Variants in AKT2 observed in about 807,000 individuals in gnomAD.
The protein encoded by AKT2 is RAC-beta serine/threonine-protein kinase.
AKT2 carries 16 observed loss-of-function variants against 58.6 expected under a neutral mutation model. The ratio of observed to expected loss-of-function variants is 0.27; its 90% CI spans 0.18 to 0.41. The LOEUF is 0.41. Among genes scored for constraint, AKT2 ranks in the 10% least tolerant of loss-of-function variants. The pLI is 1.00. For missense variants in AKT2, 438 were observed against 661.0 expected (o/e 0.66, Z 3.70); for synonymous variants, 253 against 254.0 (o/e 1.00, Z 0.04).
At chr19:40,243,819 G>T (rs530157658) in intron 4 of AKT2, 1 of 152,170 alleles carries the variant, frequency 6.6e-6, no homozygotes, top group East Asian at 1.9e-4. Flanking sequence ...CAAGGTGGAG[G>T]ATCACTTGAG....
intron 2 of AKT2, among the ~76,000 whole-genome samples, chr19:40,257,840 C>T (rs556875765): frequency 4.6e-5 from 7 of 152,302 alleles, no homozygotes; most frequent in South Asian, 2.1e-4. Context: ...CTGAGACATG[C>T]TGCCATGTGG....
At position 40,231,791 on chromosome 19, in the gene AKT2, G is replaced by T. The variant is rs1360399967; in HGVS notation, c.*2081C>A. Reference sequence around the variant, plus strand: ...GAGGGCTGACCCCAAGCTGAACAGGGTTCTAACCAAACGCTCAGGAGCTCC... The same window carrying T: ...GAGGGCTGACCCCAAGCTGAACAGGTTTCTAACCAAACGCTCAGGAGCTCC... On this transcript the variant is annotated 3_prime_UTR_variant, in exon 14 of 14. Transcript: ENST00000392038. 4.3e-6 allele frequency: 1 copy of T among 233,766 alleles called. No homozygotes were observed. The highest frequency in any genetic ancestry group is 6.0e-5 in the East Asian group (1 of 16,608). The allele number at this position is 233,766 out of a possible 1,614,324, so 14.5% of individuals were successfully genotyped here. A position where few individuals can be genotyped will look rare whatever the true frequency, so the allele number is the denominator to read the frequency against.
chr19:40,236,147 G>T, intron 10 of AKT2, 43 bp from the exon 11 acceptor site: 1 of 1,613,564 alleles, frequency 6.2e-7, no homozygotes, highest in South Asian at 1.1e-5. Context: ...GTGGCCCTGA[G>T]GCTGGCATCA....
chr19:40,257,085 G>A (rs1975591614), intron 2 of AKT2, 31 bp from the exon 3 acceptor site: 1 of 1,613,052 alleles, frequency 6.2e-7, no homozygotes, highest in East Asian at 2.2e-5. Context: ...AGGGAGAGAG[G>A]TTAGGACAAG....
rs556207305 is a variant in AKT2 at position 40,233,769 on chromosome 19, G to C, written c.*103C>G. The C allele has an allele frequency of 8.9e-7, 1 of 1,122,368 alleles. No homozygotes were observed. Among genetic ancestry groups the C allele is most frequent in the South Asian group, 1.3e-5 (1 of 79,696 alleles). 69.5% of individuals were successfully genotyped at this position (1,122,368 alleles called of 1,614,324 possible). ...AGAACTGGAAAGGGGGTGAGGAGGT[G>C]GGGGTGGGGACACAAACCAAAAAGG... On this transcript the variant is annotated 3_prime_UTR_variant, in exon 14 of 14. Coordinates refer to ENST00000392038, the MANE Select transcript of AKT2 (RefSeq NM_001626.6). This position sits in a 1 kb window ranked among gnomAD's most constrained non-coding sequence, Gnocchi z 4.3.
rs1380525848 is a variant in AKT2, at chr19:40,235,431, G to A, written c.1176-81C>T. 4.0e-6 allele frequency: 5 copies of A among 1,235,542 alleles called. No homozygotes were observed. The highest frequency in any genetic ancestry group is 5.9e-6 in the Non-Finnish European group (5 of 846,042). 76.5% of individuals were successfully genotyped at this position (1,235,542 alleles called of 1,614,324 possible). A position where few individuals can be genotyped will look rare whatever the true frequency, so the allele number is the denominator to read the frequency against. ...CGGGCTTTCGGAGCAGGCAGGCCCT[G>A]TATGGCCCTTAATGATTCTGTCTTG... On this transcript the variant is annotated intron_variant, in intron 11 of 13. Transcript: ENST00000392038. The surrounding 1 kb of genome is among the most constrained non-coding windows in gnomAD (Gnocchi z 6.3).
At position 40,265,283 on chromosome 19, in the gene AKT2, C is replaced by T. The variant is rs144814646; in HGVS notation, c.-16G>A. ...CCTCATTCATGGTGGCAGCGTGGTA[C>T]GCTGTCACCTAGCTCGGGACAGCTC... is the stretch of plus-strand genomic sequence containing the variant. On this transcript the variant is annotated 5_prime_UTR_variant, in exon 2 of 14. Coordinates refer to ENST00000392038, the MANE Select transcript of AKT2 (RefSeq NM_001626.6). The T allele has an allele frequency of 1.9e-5, 31 of 1,612,224 alleles. No homozygotes were observed. The highest frequency in any genetic ancestry group is 1.7e-4 in the African/African-American group (13 of 75,036).
At chr19:40,266,277 G>T (rs1023479003) in intron 1 of AKT2, 2 of 152,330 alleles carry the variant, frequency 1.3e-5, no homozygotes, top group African/African-American at 2.4e-5. Flanking sequence ...GGGGTTATTT[G>T]CGGACAGCAG....
chr19:40,268,346 G>A (rs892118), intron 1 of AKT2, among the ~76,000 whole-genome samples: 32,466 of 152,186 alleles, frequency 0.21, 4,273 homozygotes, highest in African/African-American at 0.36. Flanking sequence ...CCTACTGCCT[G>A]GCGCCCAGTG....
rs757903384 is a variant in AKT2, at chr19:40,242,714, G to C, written c.288-27C>G. On this transcript the variant is annotated intron_variant, in intron 4 of 13. Coordinates refer to ENST00000392038, the MANE Select transcript of AKT2 (RefSeq NM_001626.6). This position sits in a 1 kb window ranked among gnomAD's most constrained non-coding sequence, Gnocchi z 4.3. The stretch of plus-strand genomic sequence containing the variant: ...TGTGCAGGGACACACGTGAGTCCCA[G>C]CAGCCAGGAGTCCTGGGCCTCAGAG... 9.3e-6 allele frequency: 15 copies of C among 1,607,098 alleles called. No individual in the cohort carries two copies. The East Asian group carries it at 1.1e-4, about 12-fold the overall frequency.
rs1333911422 is a variant in AKT2 at position 40,265,318 on chromosome 19, G to A, written c.-51C>T. ...TAGCTCGGGACAGCTCAGGGCAGCA[G>A]GACATGCAGGAGGCACCGTGGACAG... On this transcript the variant is annotated 5_prime_UTR_variant, in exon 2 of 14. Transcript: ENST00000392038. The A allele has an allele frequency of 1.9e-6, 3 of 1,600,458 alleles. No homozygotes were observed. The highest frequency in any genetic ancestry group is 2.6e-6 in the Non-Finnish European group (3 of 1,173,858).
Position 40,285,243 on chromosome 19 carries a change from G to C in AKT2, c.-147C>G. The stretch of plus-strand genomic sequence containing the variant: ...CTACCCCCGCCCATCGCCACGCTGC[G>C]CTGGTTCCCTTTCCTTGTGTTTCCC... On this transcript the variant is annotated 5_prime_UTR_variant, in exon 1 of 14. Transcript: ENST00000392038. 1 of 395,382 alleles carries C rather than the reference G, an allele frequency of 2.5e-6. No individual in the cohort carries two copies. The highest frequency in any genetic ancestry group is 2.1e-5 in the African/African-American group (1 of 48,530). 24.5% of individuals were successfully genotyped at this position (395,382 alleles called of 1,614,324 possible).
Position 40,234,131 on chromosome 19 carries a change from G to C in AKT2, c.1367-180C>G, listed in dbSNP as rs891953185. 1.5e-4 allele frequency among the ~76,000 whole-genome samples: 23 copies of C among 152,250 alleles called. No homozygotes were observed. The highest frequency in any genetic ancestry group is 5.1e-4 in the African/African-American group (21 of 41,560). On this transcript the variant is annotated intron_variant, in intron 13 of 13. Coordinates refer to ENST00000392038, the MANE Select transcript of AKT2 (RefSeq NM_001626.6). The surrounding 1 kb of genome is among the most constrained non-coding windows in gnomAD (Gnocchi z 4.7). ...GACCCACTCCCCAAACCTGAGCCCC[G>C]GGCGGCCTCCTCTGGGAGTTTCCTG... is the stretch of plus-strand genomic sequence containing the variant.
chr19:40,242,691 T>C lies in AKT2; in HGVS notation c.288-4A>G. The C allele has an allele frequency of 1.2e-6, 2 of 1,610,340 alleles. No homozygotes were observed. Among genetic ancestry groups the C allele is most frequent in the Non-Finnish European group, 1.7e-6 (2 of 1,179,984 alleles). ...GATGGCCCGCATCCACTCCTCCCTG[T>C]GCAGGGACACACGTGAGTCCCAGCA... On this transcript the variant is annotated splice_region_variant and splice_polypyrimidine_tract_variant and intron_variant, in intron 4 of 13. Coordinates refer to ENST00000392038, the MANE Select transcript of AKT2 (RefSeq NM_001626.6). This position sits in a 1 kb window ranked among gnomAD's most constrained non-coding sequence, Gnocchi z 4.3.
chr19:40,283,473 C>T (rs1186199298), intron 1 of AKT2, among the ~76,000 whole-genome samples: 2 of 152,198 alleles, frequency 1.3e-5, no homozygotes, highest in East Asian at 3.9e-4. Flanking sequence ...GAACCACGAG[C>T]CACGGAAGCC....
At chr19:40,277,838 G>A (rs548207342) in intron 1 of AKT2, among the ~76,000 whole-genome samples, 9 of 152,296 alleles carry the variant, frequency 5.9e-5, no homozygotes, top group South Asian at 4.1e-4. Flanking sequence ...AGAACTACAC[G>A]TGGCACATAG....
At chr19:40,269,477 G>A (rs1020451242) in intron 1 of AKT2, 1 of 152,232 alleles carries the variant, frequency 6.6e-6, no homozygotes, top group Non-Finnish European at 1.5e-5. Flanking sequence ...CTCGGATGTA[G>A]AGGAACCAGA....
At chr19:40,252,173 C>T (rs1341792400) in intron 4 of AKT2, among the ~76,000 whole-genome samples, 2 of 152,182 alleles carry the variant, frequency 1.3e-5, no homozygotes, top group Non-Finnish European at 2.9e-5. Flanking sequence ...CTGACATCAG[C>T]CTGTGTGGGC....
intron 1 of AKT2, among the ~76,000 whole-genome samples, chr19:40,276,426 T>G (rs1394343751): frequency 7.7e-6 from 1 of 129,882 alleles, no homozygotes; most frequent in Non-Finnish European, 1.6e-5. Flanking sequence ...AGTGCAGTAG[T>G]GCGATCTTGG....
Sources: allele counts gnomAD v4.1 joint callset (sites outside exome capture counted in the v4.1 genomes callset), GRCh38; gene constraint gnomAD v4.1.1; non-coding constraint Gnocchi (gnomAD v3.1); transcripts MANE v1.5; gene names NCBI Gene and HGNC (gene_info 2026-07-23, HGNC 2026-07-21).